The following EIF4G3 variants were observed in gnomAD, a reference collection of about 807,000 sequenced individuals.
The protein encoded by EIF4G3 is eIF-4-gamma 3.
In EIF4G3, 34 loss-of-function variants were observed where a neutral mutation model predicts 186.4. The ratio of observed to expected loss-of-function variants is 0.18; its 90% CI spans 0.14 to 0.24. The LOEUF (loss-of-function observed/expected upper bound fraction) is 0.24, where lower values mean the gene tolerates loss of function less well. Among genes scored for constraint, EIF4G3 ranks in the 10% least tolerant of loss-of-function variants. The pLI is 1.00. For missense variants in EIF4G3, 1,536 were observed against 1,948.5 expected, an observed-to-expected ratio of 0.79 and a Z score of 3.99; for synonymous variants, 673 against 679.5, an observed-to-expected ratio of 0.99 and a Z score of 0.15.
intron 14 of EIF4G3, among the ~76,000 whole-genome samples, chr1:20,907,624 G>C (rs1572564647): frequency 6.8e-6 from 1 of 147,840 alleles, no homozygotes; most frequent in African/African-American, 2.5e-5. Context: ...TCCCACCTAT[G>C]AGTGAGAACA....
At chr1:21,054,504 A>C (rs888904911) in intron 3 of EIF4G3, among the ~76,000 whole-genome samples, 2 of 152,174 alleles carry the variant, frequency 1.3e-5, no homozygotes, top group Non-Finnish European at 2.9e-5. Context: ...AAACAAAAAC[A>C]AATTCCTGAC....
intron 13 of EIF4G3, among the ~76,000 whole-genome samples, chr1:20,942,569 CA>C (rs1400113734): frequency 6.6e-6 from 1 of 151,948 alleles, no homozygotes; most frequent in Non-Finnish European, 1.5e-5. Flanking sequence ...ATCTATTCAC[CA>C]AAAAATTATA....
intron 4 of EIF4G3, among the ~76,000 whole-genome samples, chr1:21,043,915 G>C (rs1489079530): frequency 6.6e-6 from 1 of 150,406 alleles, no homozygotes; most frequent in Non-Finnish European, 1.5e-5. Context: ...GAGAGAGAGA[G>C]ATGAAACACC....
chr1:20,929,575 T>A (rs1342832501), intron 14 of EIF4G3: 1 of 152,206 alleles, frequency 6.6e-6, no homozygotes, highest in African/African-American at 2.4e-5. Flanking sequence ...AAGGGAACAT[T>A]TGGGCTCTTA....
chr1:20,972,167 C>G (rs907923662), intron 11 of EIF4G3, among the ~76,000 whole-genome samples: 2 of 152,152 alleles, frequency 1.3e-5, no homozygotes, highest in African/African-American at 4.8e-5. Context: ...AAAGACAAAA[C>G]CCCTATAAAT....
intron 20 of EIF4G3, among the ~76,000 whole-genome samples, chr1:20,878,079 C>T (rs1287919476): frequency 6.6e-6 from 1 of 152,134 alleles, no homozygotes; most frequent in Non-Finnish European, 1.5e-5. Flanking sequence ...GTTGCCCAGG[C>T]TGGTCTCAAA....
intron 34 of EIF4G3, 83 bp from the exon 35 acceptor site, chr1:20,813,322 G>C (rs2059628214): frequency 3.2e-6 from 3 of 939,838 alleles, no homozygotes; most frequent in Non-Finnish European, 4.9e-6. Context: ...CCAACACTTT[G>C]GGAGGCCGAG....
At chr1:20,940,248 A>G (rs1309105663) in intron 14 of EIF4G3, among the ~76,000 whole-genome samples, 1 of 152,216 alleles carries the variant, frequency 6.6e-6, no homozygotes, top group Non-Finnish European at 1.5e-5. Context: ...TGATGGCACT[A>G]TGAATACTGA....
chr1:21,095,581 G>A (rs1202900737), intron 2 of EIF4G3, among the ~76,000 whole-genome samples: 2 of 152,058 alleles, frequency 1.3e-5, no homozygotes, highest in East Asian at 1.9e-4. Context: ...CCAAAGTGCC[G>A]GGATTACAGG....
chr1:21,045,648 AGCG>A (rs1335409795), intron 4 of EIF4G3, among the ~76,000 whole-genome samples: 1 of 152,230 alleles, frequency 6.6e-6, no homozygotes, highest in Non-Finnish European at 1.5e-5. Context: ...CTAGTTAATC[AGCG>A]CCAGTTTGGT....
At chr1:20,895,726 T>C (rs1028464333) in intron 16 of EIF4G3, among the ~76,000 whole-genome samples, 1 of 152,354 alleles carries the variant, frequency 6.6e-6, no homozygotes, top group South Asian at 2.1e-4. Flanking sequence ...TTAATGGTAG[T>C]GTAAACAAAC....
intron 4 of EIF4G3, among the ~76,000 whole-genome samples, chr1:21,020,504 AAATAAATG>A (rs1242368779): frequency 6.6e-6 from 1 of 152,102 alleles, no homozygotes; most frequent in African/African-American, 2.4e-5. Context: ...ATAAATAAAT[AAATAAATG>A]AATAAATAAA....
chr1:20,827,727 ATC>A, intron 31 of EIF4G3, 29 bp from the exon 32 acceptor site: 1 of 1,456,770 alleles, frequency 6.9e-7, no homozygotes, highest in Non-Finnish European at 9.6e-7. Flanking sequence ...GTGATTAAGT[ATC>A]TCTAAAGAAA....
intron 19 of EIF4G3, among the ~76,000 whole-genome samples, chr1:20,884,799 G>C (rs2083565467): frequency 6.6e-6 from 1 of 152,056 alleles, no homozygotes; most frequent in Non-Finnish European, 1.5e-5. Flanking sequence ...CTACTCTGTG[G>C]GTTCGCTTAT....
At chr1:20,871,797 A>G (rs991244269) in intron 20 of EIF4G3, among the ~76,000 whole-genome samples, 1 of 152,014 alleles carries the variant, frequency 6.6e-6, no homozygotes, top group Non-Finnish European at 1.5e-5. Flanking sequence ...TGAAAAAGCA[A>G]TTGGGTAGAC....
At chr1:20,980,769 C>A (rs1321890438) in intron 9 of EIF4G3, among the ~76,000 whole-genome samples, 1 of 152,146 alleles carries the variant, frequency 6.6e-6, no homozygotes, top group African/African-American at 2.4e-5. Flanking sequence ...AGCATAATCA[C>A]TGAGTCCATT....
At chr1:20,951,928 TAA>T (rs1039111215) in intron 12 of EIF4G3, among the ~76,000 whole-genome samples, 2 of 152,132 alleles carry the variant, frequency 1.3e-5, no homozygotes, top group African/African-American at 4.8e-5. Context: ...AATCTATGTA[TAA>T]AGAGTCGTAA....
chr1:21,123,293 T>TGG lies in EIF4G3; in HGVS notation c.-271-34082_-271-34081dup, dbSNP rs745669812. On this transcript the variant is annotated intron_variant, in intron 2 of 36. Coordinates refer to ENST00000602326, the MANE Select transcript of EIF4G3 (RefSeq NM_001391906.1). ...TCTAAAGTTCAGAGGCCAGATGCGG[T>TGG]GGCTCAAGCCTGTAATCCAAGCACT... 2.6e-5 allele frequency among the ~76,000 whole-genome samples: 4 copies of TGG among 152,156 alleles called. No individual in the cohort carries two copies. In the South Asian group the frequency reaches 8.3e-4, roughly 32 times the overall value.
intron 6 of EIF4G3, chr1:20,998,977 G>C (rs2082907197): frequency 4.1e-6 from 1 of 244,340 alleles, no homozygotes; most frequent in Non-Finnish European, 8.6e-6. Flanking sequence ...CTCATGCTCA[G>C]CATTTAAGTT....
Sources: gnomAD v4.1 joint callset for allele counts (sites outside exome capture counted in the v4.1 genomes callset) on GRCh38, gnomAD v4.1.1 for gene constraint, MANE v1.5 for transcripts, NCBI Gene and HGNC (gene_info 2026-07-23, HGNC 2026-07-21) for gene names.